The following MS4A3 variants were observed in gnomAD, a reference collection of about 807,000 sequenced individuals.
MS4A3 encodes the protein membrane-spanning 4-domains subfamily A member 3.
A neutral mutation model predicts 24.7 loss-of-function variants in MS4A3; 18 were observed. The ratio of observed to expected loss-of-function variants is 0.73; its 90% CI spans 0.50 to 1.08. The LOEUF (loss-of-function observed/expected upper bound fraction) is 1.08. Ranked by LOEUF, MS4A3 falls within the 50% of genes least tolerant of loss-of-function variation. MS4A3 has a pLI of 0.00. For missense variants in MS4A3, 282 were observed against 251.7 expected (o/e 1.12, Z -0.82); for synonymous variants, 84 against 95.3 (o/e 0.88, Z 0.69).
chr11:60,069,603 C>T lies in MS4A3; in HGVS notation c.543C>T (p.Thr181=). The change falls in exon 6 of 7, where the codon ACC becomes ACT. Residue 181 remains threonine (T), a synonymous_variant. Coordinates refer to ENST00000278865, the MANE Select transcript of MS4A3 (RefSeq NM_006138.5). ...TGGTGTCTCTACTGCTGATTCTCAC[C>T]TTGCTGGAATTATGCGTAACCATCT... The part of the protein sequence containing the change: ...NGMVSLLLIL[T]LLELCVTIST... 1 of 1,613,474 alleles carries T rather than the reference C, an allele frequency of 6.2e-7. No individual in the cohort carries two copies. Among genetic ancestry groups the T allele is most frequent in the East Asian group, 2.2e-5 (1 of 44,844 alleles).
chr11:60,069,574 G>A lies in MS4A3; in HGVS notation c.514G>A (p.Gly172Ser), dbSNP rs1855440710. The change falls in exon 6 of 7, where the codon GGC (glycine) becomes AGC (serine). Residue 172 changes from glycine to serine, a missense_variant and splice_region_variant. Transcript: ENST00000278865. ...LCNYMGSISN[G>S]MVSLLLILTL... ...TGATATAAGGCATCATATCCCCTAG[G>A]GCATGGTGTCTCTACTGCTGATTCT... 1 of 1,608,250 alleles carries A rather than the reference G, an allele frequency of 6.2e-7. No individual in the cohort carries two copies. The highest frequency in any genetic ancestry group is 8.5e-7 in the Non-Finnish European group (1 of 1,175,312).
intron 4 of MS4A3, 59 bp from the exon 5 acceptor site, chr11:60,066,892 T>C: frequency 7.7e-7 from 1 of 1,303,290 alleles, no homozygotes; most frequent in East Asian, 2.6e-5. Context: ...AATGAATTGT[T>C]GCCAAAGGAA....
intron 1 of MS4A3, among the ~76,000 whole-genome samples, chr11:60,058,973 G>A (rs1010607553): frequency 3.3e-5 from 5 of 152,016 alleles, no homozygotes; most frequent in South Asian, 2.1e-4. Flanking sequence ...TGTTGAACAC[G>A]GGGGGTTAAG....
chr11:60,071,040 T>C lies in MS4A3; in HGVS notation c.*807T>C, dbSNP rs902761344. ...GATCTATTTTTCCTCATCTGTAAAA[T>C]AGGTGTAATAATAACAACTACTTTG... On this transcript the variant is annotated 3_prime_UTR_variant, in exon 7 of 7. Coordinates refer to ENST00000278865, the MANE Select transcript of MS4A3 (RefSeq NM_006138.5). 6.6e-6 allele frequency: 1 copy of C among 152,220 alleles called. No individual in the cohort carries two copies. The highest frequency in any genetic ancestry group is 1.5e-5 in the Non-Finnish European group (1 of 68,036). 9.4% of individuals were successfully genotyped at this position (152,220 alleles called of 1,614,324 possible).
Position 60,062,609 on chromosome 11 carries a change from A to C in MS4A3, c.294+4A>C. On this transcript the variant is annotated splice_donor_region_variant and intron_variant, in intron 3 of 6. Coordinates refer to ENST00000278865, the MANE Select transcript of MS4A3 (RefSeq NM_006138.5). ...CCCGATTTGGGGTGCTGTGTTTGTG[A>C]GTATTCGTACTCCCCTGGCTATATG... The C allele has an allele frequency of 6.2e-7, 1 of 1,613,936 alleles. No individual in the cohort carries two copies. The highest frequency in any genetic ancestry group is 8.5e-7 in the Non-Finnish European group (1 of 1,179,954).
At chr11:60,060,904 C>T (rs896785032) in intron 1 of MS4A3, 1 of 309,966 alleles carries the variant, frequency 3.2e-6, no homozygotes, top group Non-Finnish European at 5.9e-6. Context: ...AGAAATTGCT[C>T]TTTACCATTC....
intron 2 of MS4A3, among the ~76,000 whole-genome samples, chr11:60,062,010 G>A (rs1855284043): frequency 6.6e-6 from 1 of 152,260 alleles, no homozygotes; most frequent in African/African-American, 2.4e-5. Context: ...ATTTGAGGAG[G>A]CTGAGCTCTA....
chr11:60,060,966 T>A (rs1855262761), intron 1 of MS4A3, 180 bp from the exon 2 acceptor site: 1 of 474,376 alleles, frequency 2.1e-6, no homozygotes, highest in South Asian at 4.8e-5. Context: ...TGATGTCTAC[T>A]ACTCCAAGGC....
chr11:60,064,419 G>A (rs937216681), intron 4 of MS4A3, 101 bp downstream of exon 4: 1 of 757,708 alleles, frequency 1.3e-6, no homozygotes, highest in East Asian at 3.0e-5. Context: ...GAGACACTGA[G>A]TATCATTTAA....
chr11:60,062,615 C>T lies in MS4A3; in HGVS notation c.294+10C>T, dbSNP rs187601397. Reference sequence around the variant, plus strand: ...TTGGGGTGCTGTGTTTGTGAGTATTCGTACTCCCCTGGCTATATGTTATTT... The same window carrying T: ...TTGGGGTGCTGTGTTTGTGAGTATTTGTACTCCCCTGGCTATATGTTATTT... On this transcript the variant is annotated intron_variant, in intron 3 of 6. Transcript: ENST00000278865. 30 of 1,613,856 alleles carry T rather than the reference C, an allele frequency of 1.9e-5. No homozygotes were observed. Among genetic ancestry groups the T allele is most frequent in the Admixed American group, 3.3e-5 (2 of 59,998 alleles).
chr11:60,057,886 G>C (rs1272584604), intron 1 of MS4A3, among the ~76,000 whole-genome samples: 1 of 152,176 alleles, frequency 6.6e-6, no homozygotes, highest in Non-Finnish European at 1.5e-5. Context: ...CTTGAGATGA[G>C]AGGCTCCAGT....
chr11:60,063,133 G>T (rs1403639707), intron 3 of MS4A3, among the ~76,000 whole-genome samples: 1 of 152,110 alleles, frequency 6.6e-6, no homozygotes, highest in Non-Finnish European at 1.5e-5. Flanking sequence ...AACCACATTT[G>T]CCAAGTACAA....
rs1855248408 is a variant in MS4A3, at chr11:60,060,117, T to C, written c.-15-1029T>C. 2.0e-5 allele frequency among the ~76,000 whole-genome samples: 3 copies of C among 152,212 alleles called. No individual in the cohort carries two copies. In the South Asian group the frequency reaches 6.2e-4, roughly 31 times the overall value. Reference sequence around the variant, plus strand: ...GATACATATTTTTCAGCTGTAATGATTGAGGTGGTTGTTTTGTGACCCTTA... The same window carrying C: ...GATACATATTTTTCAGCTGTAATGACTGAGGTGGTTGTTTTGTGACCCTTA... On this transcript the variant is annotated intron_variant, in intron 1 of 6. Coordinates refer to ENST00000278865, the MANE Select transcript of MS4A3 (RefSeq NM_006138.5).
Position 60,070,234 on chromosome 11 carries a change from T to G in MS4A3, c.*1T>G. 2 of 1,575,950 alleles carry G rather than the reference T, an allele frequency of 1.3e-6. No individual in the cohort carries two copies. Among genetic ancestry groups the G allele is most frequent in the Non-Finnish European group, 1.7e-6 (2 of 1,151,896 alleles). On this transcript the variant is annotated 3_prime_UTR_variant, in exon 7 of 7. Transcript: ENST00000278865. Reference sequence around the variant, plus strand: ...TTCCTCACCTCCCAATTCTGTGTAATCAAGAATACCTCCTTAATTCTGAGA... The same window carrying G: ...TTCCTCACCTCCCAATTCTGTGTAAGCAAGAATACCTCCTTAATTCTGAGA...
At position 60,063,199 on chromosome 11, in the gene MS4A3, A is replaced by T. The variant is rs142542150; in HGVS notation, c.294+594A>T. Among the ~76,000 whole-genome samples the T allele has an allele frequency of 3.8e-3, 581 of 152,290 alleles. 4 individuals carry two copies. The highest frequency in any genetic ancestry group is 0.013 in the African/African-American group (541 of 41,554). On this transcript the variant is annotated intron_variant, in intron 3 of 6. Transcript: ENST00000278865. ...CTATATGTTACATTTATAGATACTTAAAAAATTGAATGAAAAATGGGTATT... is the reference window on the plus strand; with the variant it reads ...CTATATGTTACATTTATAGATACTTTAAAAATTGAATGAAAAATGGGTATT...
chr11:60,061,212 G>C lies in MS4A3; in HGVS notation c.52G>C (p.Gly18Arg), dbSNP rs146798672. The C allele has an allele frequency of 1.9e-6, 3 of 1,613,238 alleles. No homozygotes were observed. Among genetic ancestry groups the C allele is most frequent in the Non-Finnish European group, 2.5e-6 (3 of 1,179,666 alleles). Residue 18 changes from glycine to arginine, a missense_variant, in exon 2 of 7, where the codon GGT becomes CGT. Transcript: ENST00000278865. ...AGAGCTGGGGTCAGCCTCTGCCCAT[G>C]GTACCCCAGGCAGTGAGGCGGGACC... Reference protein sequence around the residue: ...NAELGSASAHGTPGSEAGPEE... With the variant: ...NAELGSASAHRTPGSEAGPEE...
chr11:60,062,360 AC>A, intron 2 of MS4A3, 107 bp from the exon 3 acceptor site: 1 of 1,346,334 alleles, frequency 7.4e-7, no homozygotes. Flanking sequence ...TGACACTTTA[AC>A]CATTTCAAGC....
intron 6 of MS4A3, among the ~76,000 whole-genome samples, chr11:60,069,991 T>C (rs1855448888): frequency 6.6e-6 from 1 of 152,228 alleles, no homozygotes; most frequent in Admixed American, 6.5e-5. Context: ...TCTTTCTAAA[T>C]TTTAGATATA....
intron 5 of MS4A3, among the ~76,000 whole-genome samples, chr11:60,067,668 C>T (rs1369386914): frequency 1.3e-5 from 2 of 152,068 alleles, no homozygotes; most frequent in African/African-American, 4.8e-5. Flanking sequence ...ATATGATAAG[C>T]AATTAAAACA....
Sources: allele counts gnomAD v4.1 joint callset (sites outside exome capture counted in the v4.1 genomes callset), GRCh38; gene constraint gnomAD v4.1.1; transcripts MANE v1.5; gene names NCBI Gene and HGNC (gene_info 2026-07-23, HGNC 2026-07-21).